The following NDUFA7 variants were observed in gnomAD, a reference collection of about 807,000 sequenced individuals.
The protein encoded by NDUFA7 is NADH dehydrogenase [ubiquinone] 1 alpha subcomplex subunit 7.
NDUFA7 carries 18 observed loss-of-function variants against 14.2 expected under a neutral mutation model. The observed-to-expected ratio is 1.27, with a 90% CI of 0.88 to 1.88. The LOEUF (loss-of-function observed/expected upper bound fraction) is 1.88, where lower values mean the gene tolerates loss of function less well. Among genes scored for constraint, NDUFA7 ranks in the 40% most tolerant of loss-of-function variants. The pLI is 0.00. For missense variants in NDUFA7, 172 were observed against 147.3 expected (o/e 1.17, Z -0.87); for synonymous variants, 75 against 62.1 (o/e 1.21, Z -0.98).
In NDUFA7 at chr19:8,321,325, G is replaced by C; in HGVS notation, c.34C>G (p.Arg12Gly). ...ASATRLIQRL[R>G]NWASGHDLQG... ...CCGCGCACCCCGGACGCCCAGTTCC[G>C]CAGCCGCTGGATGAGACGGGTGGCG... Residue 12 changes from arginine to glycine, a missense_variant, in exon 1 of 4, where the codon CGG (arginine) becomes GGG (glycine). Arg to Gly is a moderately radical substitution (Grantham distance 125). Transcript: ENST00000301457. 6.3e-7 allele frequency: 1 copy of C among 1,578,674 alleles called. No homozygotes were observed. Among genetic ancestry groups the C allele is most frequent in the Non-Finnish European group, 8.6e-7 (1 of 1,165,248 alleles).
At chr19:8,314,410 C>G (rs1327278672) in intron 3 of NDUFA7, among the ~76,000 whole-genome samples, 5 of 152,166 alleles carry the variant, frequency 3.3e-5, no homozygotes, top group Non-Finnish European at 7.3e-5. Context: ...CGGACTTCAT[C>G]TGTTTTGTAG....
intron 2 of NDUFA7, chr19:8,316,896 T>G (rs1329567364): frequency 8.2e-6 from 4 of 485,610 alleles, no homozygotes; most frequent in African/African-American, 7.8e-5. Flanking sequence ...CTGTCCCAAA[T>G]GTGGAGGGTA....
At position 8,321,314 on chromosome 19, in the gene NDUFA7, C is replaced by CGCCCA. The variant is rs1568565900; in HGVS notation, c.40_44dup (p.Ser16GlyfsTer74). ...CCCTGTCCGCCCCGCGCACCCCGGA[C>CGCCCA]GCCCAGTTCCGCAGCCGCTGGATGA... On this transcript the variant is annotated frameshift_variant, in exon 1 of 4. Coordinates refer to ENST00000301457, the MANE Select transcript of NDUFA7 (RefSeq NM_005001.5). LOFTEE classifies it high-confidence loss of function. 1.9e-6 allele frequency: 3 copies of CGCCCA among 1,575,384 alleles called. No individual in the cohort carries two copies. The South Asian group carries it at 3.5e-5, about 18-fold the overall frequency.
downstream of NDUFA7, chr19:8,310,429 CA>C (rs965963920): frequency 1.8e-3 from 261 of 142,194 alleles, no homozygotes; most frequent in Non-Finnish European, 2.1e-3. Context: ...AACTCTGTCT[CA>C]AAAAAAAAAA....
At chr19:8,309,473 CA>C (rs531841561), downstream of NDUFA7, among the ~76,000 whole-genome samples, 5,979 of 133,274 alleles carry the variant, frequency 0.045, 356 homozygotes, top group South Asian at 0.19. Context: ...GACTCTGTCT[CA>C]AAAAAAAAAA....
At chr19:8,318,663 CAAAAAAAAAAAAAAAA>C (rs35904087) in intron 2 of NDUFA7, among the ~76,000 whole-genome samples, 5 of 41,072 alleles carry the variant, frequency 1.2e-4, no homozygotes, top group African/African-American at 1.6e-4. Flanking sequence ...CCCAGTCTTA[CAAAAAAAAAAAAAAAA>C]AAAAAAAAAA....
chr19:8,311,383 A>T lies in NDUFA7; in HGVS notation c.*122T>A. 1.3e-6 allele frequency: 1 copy of T among 787,148 alleles called. No homozygotes were observed. Among genetic ancestry groups the T allele is most frequent in the South Asian group, 1.9e-5 (1 of 52,628 alleles). The allele number at this position is 787,148 out of a possible 1,614,324, so 48.8% of individuals were successfully genotyped here. A position where few individuals can be genotyped will look rare whatever the true frequency, so the allele number is the denominator to read the frequency against. ...GGTGAGACTCTGTCTCTATTTTTTT[A>T]TTTTTTAAAGTAAAACTAGAAGTGA... On this transcript the variant is annotated 3_prime_UTR_variant, in exon 4 of 4. Coordinates refer to ENST00000301457, the MANE Select transcript of NDUFA7 (RefSeq NM_005001.5).
intron 2 of NDUFA7, 64 bp from the exon 3 acceptor site, chr19:8,316,709 C>G: frequency 6.4e-7 from 1 of 1,566,100 alleles, no homozygotes; most frequent in East Asian, 2.3e-5. Context: ...CCGCTGTGGG[C>G]CCCTGTCACC....
intron 1 of NDUFA7, 35 bp downstream of exon 1, chr19:8,321,273 G>GC (rs766979907): frequency 8.5e-6 from 13 of 1,521,558 alleles, no homozygotes; most frequent in South Asian, 1.2e-5. Flanking sequence ...GGAGCCCGAA[G>GC]CCCCCCATGG....
At position 8,315,920 on chromosome 19, in the gene NDUFA7, C is replaced by G. The variant is rs562038111; in HGVS notation, c.251+576G>C. On this transcript the variant is annotated intron_variant, in intron 3 of 3. Transcript: ENST00000301457. Reference sequence around the variant, plus strand: ...CTGTAATCCTAGCACTTTGGGAGGCCGAGTCGGGTGGATCACAAGGTCAGT... The same window carrying G: ...CTGTAATCCTAGCACTTTGGGAGGCGGAGTCGGGTGGATCACAAGGTCAGT... Among the ~76,000 whole-genome samples the G allele has an allele frequency of 5.0e-3, 764 of 151,890 alleles. 5 individuals carry two copies. The highest frequency in any genetic ancestry group is 0.018 in the African/African-American group (742 of 41,400).
chr19:8,316,111 T>G (rs1164716687), intron 3 of NDUFA7, among the ~76,000 whole-genome samples: 2 of 136,508 alleles, frequency 1.5e-5, no homozygotes, highest in Non-Finnish European at 3.0e-5. Context: ...ATCACACCAC[T>G]GCACTCCAGC....
At chr19:8,316,148 C>CAAAAGAAAAA (rs571493580) in intron 3 of NDUFA7, among the ~76,000 whole-genome samples, 3 of 80,650 alleles carry the variant, frequency 3.7e-5, no homozygotes, top group Admixed American at 1.6e-4. Context: ...GACTCCGTCT[C>CAAAAGAAAAA]AAAAAAAAAA....
chr19:8,312,988 G>C (rs1290783248), intron 3 of NDUFA7, among the ~76,000 whole-genome samples: 1 of 152,000 alleles, frequency 6.6e-6, no homozygotes, highest in East Asian at 1.9e-4. Context: ...GTAGAGGCAG[G>C]GTTTCGCCCT....
chr19:8,311,621 G>A (rs1225131385), intron 3 of NDUFA7, 26 bp from the exon 4 acceptor site: 17 of 1,599,250 alleles, frequency 1.1e-5, no homozygotes, highest in African/African-American at 1.3e-5. Context: ...ACTTCAGTGA[G>A]GGTTTCCAAA....
chr19:8,313,699 AG>A (rs1970204195), intron 3 of NDUFA7, among the ~76,000 whole-genome samples: 1 of 152,228 alleles, frequency 6.6e-6, no homozygotes, highest in African/African-American at 2.4e-5. Context: ...CCCCAACAGG[AG>A]TCCAGGAAAA....
chr19:8,318,871 T>C (rs772759014), intron 2 of NDUFA7, among the ~76,000 whole-genome samples: 13 of 149,806 alleles, frequency 8.7e-5, no homozygotes, highest in Non-Finnish European at 1.6e-4. Flanking sequence ...CTCGGGAGGC[T>C]GAGGCAGGAG....
intron 3 of NDUFA7, among the ~76,000 whole-genome samples, chr19:8,313,519 C>T (rs943470052): frequency 2.6e-5 from 4 of 152,246 alleles, no homozygotes; most frequent in East Asian, 1.9e-4. Context: ...CGTGAGCCAC[C>T]GCGCCCAGAC....
At position 8,321,372 on chromosome 19, in the gene NDUFA7, T is replaced by C. The variant is rs771730680; in HGVS notation, c.-14A>G. 6 of 1,568,252 alleles carry C rather than the reference T, an allele frequency of 3.8e-6. No homozygotes were observed. The highest frequency in any genetic ancestry group is 1.9e-5 in the Admixed American group (1 of 53,258). On this transcript the variant is annotated 5_prime_UTR_variant, in exon 1 of 4. Transcript: ENST00000301457. ...GGCGGACGCCATCTTCCGTCCGCGA[T>C]ACTGAAGGGCGCAGCCGGTGACGTC...
At chr19:8,316,793 G>A in intron 2 of NDUFA7, 148 bp from the exon 3 acceptor site, 1 of 900,874 alleles carries the variant, frequency 1.1e-6, no homozygotes, top group Non-Finnish European at 1.7e-6. Flanking sequence ...TTGGTACACT[G>A]GCAGGGACAT....
Sources: allele counts gnomAD v4.1 joint callset (sites outside exome capture counted in the v4.1 genomes callset), GRCh38; gene constraint gnomAD v4.1.1; transcripts MANE v1.5; gene names NCBI Gene and HGNC (gene_info 2026-07-23, HGNC 2026-07-21).